TASOR: variants seen among roughly 807,000 people sequenced by gnomAD.
TASOR encodes the protein protein TASOR.
In TASOR, 53 loss-of-function variants were observed where a neutral mutation model predicts 178.6. The ratio of observed to expected loss-of-function variants is 0.30; its 90% CI spans 0.24 to 0.37. TASOR has a LOEUF of 0.37. Among genes scored for constraint, TASOR ranks in the 10% least tolerant of loss-of-function variants. TASOR has a pLI of 1.00. For missense variants in TASOR, 1,815 were observed against 1,971.4 expected (o/e 0.92, Z 1.50); for synonymous variants, 713 against 696.2 (o/e 1.02, Z -0.38).
intron 21 of TASOR, among the ~76,000 whole-genome samples, chr3:56,626,706 G>A (rs1035553858): frequency 6.6e-6 from 1 of 151,682 alleles, no homozygotes; most frequent in East Asian, 1.9e-4. Flanking sequence ...TCGTCCCATT[G>A]CACTCCAGCC....
At chr3:56,665,626 T>C (rs1578276099) in intron 7 of TASOR, among the ~76,000 whole-genome samples, 3 of 152,002 alleles carry the variant, frequency 2.0e-5, no homozygotes, top group Middle Eastern at 3.4e-3. Flanking sequence ...CCCAAAGTGC[T>C]GGAATTACAG....
At position 56,638,688 on chromosome 3, in the gene TASOR, C is replaced by T. The variant is rs1489350974; in HGVS notation, c.2824+18G>A. The T allele has an allele frequency of 1.9e-6, 3 of 1,613,830 alleles. No individual in the cohort carries two copies. In the African/African-American group the frequency reaches 4.0e-5, roughly 22 times the overall value. On this transcript the variant is annotated intron_variant, in intron 17 of 23. Transcript: ENST00000683822. Reference sequence around the variant, plus strand: ...AAGAAGGGCACACTGGGAAGAAAAGCAAAGCAAGCCTTCTCACCTGGTGTT... The same window carrying T: ...AAGAAGGGCACACTGGGAAGAAAAGTAAAGCAAGCCTTCTCACCTGGTGTT...
rs1388422709 is a variant in TASOR, at chr3:56,682,938, T to TCCG, written c.66_68dup (p.Gly23dup). On this transcript the variant is annotated inframe_insertion, in exon 1 of 24. Transcript: ENST00000683822. ...GAAGCGCCTGCTTCATCTCGTCGTC[T>TCCG]CCGCCGCCGCCACTTTCCCAACTCG... 4 of 1,548,990 alleles carry TCCG rather than the reference T, an allele frequency of 2.6e-6. No homozygotes were observed. The highest frequency in any genetic ancestry group is 3.5e-6 in the Non-Finnish European group (4 of 1,146,256).
intron 11 of TASOR, among the ~76,000 whole-genome samples, chr3:56,656,593 GC>G (rs904652067): frequency 2.0e-4 from 30 of 147,316 alleles, no homozygotes; most frequent in African/African-American, 5.9e-4. Flanking sequence ...TCTGTCCCCC[GC>G]CCCCCCCCAA....
In TASOR at chr3:56,623,449, T is replaced by G. The variant is rs775693891; in HGVS notation, c.4601A>C (p.Lys1534Thr). 1 of 1,613,720 alleles carries G rather than the reference T, an allele frequency of 6.2e-7. No individual in the cohort carries two copies. Among genetic ancestry groups the G allele is most frequent in the South Asian group, 1.1e-5 (1 of 91,072 alleles). ...TTTTTGATCTGTTCCACGTGATCCT[T>G]TGGTCTCTTTCTCCCATATTTCTGA... Reference protein sequence around the residue: ...FHSEIWEKETKGSRGTDQKKN... With the variant: ...FHSEIWEKETTGSRGTDQKKN... The change falls in exon 24 of 24, where the codon AAA (lysine) becomes ACA (threonine). Residue 1534 changes from lysine (K) to threonine (T), a missense_variant. Physicochemically the swap from Lys to Thr is moderately conservative, Grantham distance 78. Around this residue, in one of 5 missense-constraint regions of TASOR, gnomAD observed 278 missense variants for 257.1 expected, o/e 1.08. Transcript: ENST00000683822.
intron 1 of TASOR, among the ~76,000 whole-genome samples, chr3:56,682,467 C>A (rs1337476584): frequency 1.3e-5 from 2 of 151,862 alleles, no homozygotes; most frequent in African/African-American, 4.8e-5. Context: ...CCAACTTCCG[C>A]GGGGAGGGGC....
Position 56,621,002 on chromosome 3 carries a change from G to GTTAGTTAGTTAGTTAGTTAT in TASOR, c.*2034_*2035insATAACTAACTAACTAACTAA. The GTTAGTTAGTTAGTTAGTTAT allele has an allele frequency of 6.6e-6, 1 of 150,850 alleles. No individual in the cohort carries two copies. Among genetic ancestry groups the GTTAGTTAGTTAGTTAGTTAT allele is most frequent in the Admixed American group, 6.6e-5 (1 of 15,122 alleles). The allele number at this position is 150,850 out of a possible 1,614,324, so 9.3% of individuals were successfully genotyped here. On this transcript the variant is annotated 3_prime_UTR_variant, in exon 24 of 24. Coordinates refer to ENST00000683822, the MANE Select transcript of TASOR (RefSeq NM_001365635.2). ...CCTGTCTCTACTAAAAATACAAAAAGTTAGTTAGTTAGTTAGCCAGGCGTG... is the reference window on the plus strand; with the variant it reads ...CCTGTCTCTACTAAAAATACAAAAAGTTAGTTAGTTAGTTAGTTATTTAGTTAGTTAGTTAGCCAGGCGTG...
chr3:56,650,753 T>C (rs900058852), intron 11 of TASOR, among the ~76,000 whole-genome samples: 18 of 152,182 alleles, frequency 1.2e-4, no homozygotes, highest in African/African-American at 4.3e-4. Context: ...ACTGCTGACA[T>C]ATAGTATTGG....
Position 56,623,323 on chromosome 3 carries a change from A to G in TASOR, c.4727T>C (p.Ile1576Thr), listed in dbSNP as rs200942619. 1.2e-4 allele frequency: 198 copies of G among 1,613,466 alleles called. No homozygotes were observed. Among genetic ancestry groups the G allele is most frequent in the South Asian group, 3.5e-4 (32 of 91,082 alleles). The change falls in exon 24 of 24, where the codon ATA (isoleucine) becomes ACA (threonine). Residue 1576 changes from isoleucine to threonine, a missense_variant. Transcript: ENST00000683822. ...GCTGTTCTCTCCTTCAGAGCATACT[A>G]TATCAATAGAAGTTCTCTCTTCAGA... ...LDSEERTSIDIVCSEGENSNS... is the reference protein window; with the variant it reads ...LDSEERTSIDTVCSEGENSNS...
rs1248550102 is a variant in TASOR, at chr3:56,623,579, A to C, written c.4484-13T>G. ...TTTTCTAAAAGAGCTACATTTAAAA[A>C]ACAAAAAGTCCTCCTCTATTGAAAT... On this transcript the variant is annotated splice_polypyrimidine_tract_variant and intron_variant, in intron 23 of 23. Coordinates refer to ENST00000683822, the MANE Select transcript of TASOR (RefSeq NM_001365635.2). 4.5e-6 allele frequency: 7 copies of C among 1,556,300 alleles called. No individual in the cohort carries two copies. The highest frequency in any genetic ancestry group is 1.7e-4 in the Middle Eastern group (1 of 5,766).
rs570570091 is a variant in TASOR, at chr3:56,633,571, C to T, written c.3220G>A (p.Val1074Met). 85 of 1,614,158 alleles carry T rather than the reference C, an allele frequency of 5.3e-5. No individual in the cohort carries two copies. In the South Asian group the frequency reaches 8.0e-4, roughly 15 times the overall value. The change falls in exon 18 of 24, where the codon GTG becomes ATG. Residue 1074 changes from valine to methionine, a missense_variant. This residue lies in a region of TASOR where 655 missense variants were observed against 671.1 expected (regional missense o/e 0.98). Transcript: ENST00000683822. ...FIYSKTSKAG[V>M]QEFVDGLHEK... Reference sequence around the variant, plus strand: ...TGCAAACCATCTACAAACTCCTGCACACCAGCTTTGGAAGTCTTAGAATAT... The same window carrying T: ...TGCAAACCATCTACAAACTCCTGCATACCAGCTTTGGAAGTCTTAGAATAT...
intron 8 of TASOR, among the ~76,000 whole-genome samples, chr3:56,662,862 T>C (rs1330859813): frequency 6.6e-6 from 1 of 152,190 alleles, no homozygotes; most frequent in Non-Finnish European, 1.5e-5. Context: ...TATCTTCTAC[T>C]CATTGTGTTT....
At chr3:56,658,935 TGAGA>T (rs2107606287) in intron 11 of TASOR, among the ~76,000 whole-genome samples, 1 of 129,850 alleles carries the variant, frequency 7.7e-6, no homozygotes, top group African/African-American at 3.1e-5. Context: ...AGACAGAGAG[TGAGA>T]GAGAGACTGT....
chr3:56,641,234 A>G, intron 15 of TASOR, 115 bp downstream of exon 15: 1 of 1,059,996 alleles, frequency 9.4e-7, no homozygotes, highest in African/African-American at 1.6e-5. Context: ...CCTTTACTCA[A>G]AAGTGCATTT....
chr3:56,671,225 T>C (rs79868182), intron 3 of TASOR: 26,927 of 159,882 alleles, frequency 0.17, 2,890 homozygotes, highest in East Asian at 0.34. Context: ...TGTAACCCCA[T>C]GTACTTGGGA....
chr3:56,651,818 A>T (rs1236964562), intron 11 of TASOR, among the ~76,000 whole-genome samples: 1 of 152,232 alleles, frequency 6.6e-6, no homozygotes, highest in Admixed American at 6.5e-5. Flanking sequence ...AAAGGAAAAT[A>T]ATCCACTATG....
intron 18 of TASOR, among the ~76,000 whole-genome samples, chr3:56,629,787 T>C (rs1371277958): frequency 1.3e-5 from 2 of 152,164 alleles, no homozygotes; most frequent in African/African-American, 4.8e-5. Flanking sequence ...AAAACCCAGC[T>C]TACCTGACAA....
At chr3:56,650,348 G>GT (rs1310178805) in intron 11 of TASOR, among the ~76,000 whole-genome samples, 1 of 152,140 alleles carries the variant, frequency 6.6e-6, no homozygotes, top group Non-Finnish European at 1.5e-5. Flanking sequence ...GTGTTTGGGG[G>GT]TTTCAGGTAG....
intron 3 of TASOR, among the ~76,000 whole-genome samples, chr3:56,670,881 G>A (rs2030621095): frequency 7.5e-6 from 1 of 133,716 alleles, no homozygotes; most frequent in Admixed American, 8.3e-5. Context: ...AGGTTGCAGT[G>A]AGTGAGCCGC....
Sources: gnomAD v4.1 joint callset for allele counts (sites outside exome capture counted in the v4.1 genomes callset) on GRCh38, gnomAD v4.1.1 for gene constraint, gnomAD v4.1.1 regional missense constraint, MANE v1.5 for transcripts, NCBI Gene and HGNC (gene_info 2026-07-23, HGNC 2026-07-21) for gene names.